The following TRIM24 variants were observed in gnomAD, a reference collection of about 807,000 sequenced individuals.
TRIM24 encodes the protein tripartite motif containing 24.
A neutral mutation model predicts 123.9 loss-of-function variants in TRIM24; 29 were observed. That is an observed-to-expected ratio of 0.23 (90% confidence interval 0.17 to 0.32). TRIM24 has a LOEUF of 0.32. Ranked by LOEUF, TRIM24 falls within the 10% of genes least tolerant of loss-of-function variation. The probability of loss-of-function intolerance (pLI) is 1.00; values close to 1 mark genes in which losing one functional copy is unlikely to be tolerated. For synonymous variants in TRIM24, 456 were observed against 461.1 expected (o/e 0.99, Z 0.14); for missense variants, 932 against 1,295.3 (o/e 0.72, Z 4.31).
At chr7:138,566,627 A>G (rs1021190799) in intron 9 of TRIM24, among the ~76,000 whole-genome samples, 5 of 152,172 alleles carry the variant, frequency 3.3e-5, no homozygotes, top group African/African-American at 1.2e-4. Context: ...GGCAGACTAG[A>G]TTTGGATTAA....
chr7:138,534,251 G>A (rs1796815553), intron 6 of TRIM24, among the ~76,000 whole-genome samples: 1 of 152,092 alleles, frequency 6.6e-6, no homozygotes, highest in African/African-American at 2.4e-5. Flanking sequence ...CTTGCCTTCT[G>A]CTAGCTTTTG....
intron 17 of TRIM24, 52 bp from the exon 18 acceptor site, chr7:138,583,798 G>A: frequency 8.0e-7 from 1 of 1,256,006 alleles, no homozygotes; most frequent in Non-Finnish European, 1.1e-6. Context: ...AATATATTTA[G>A]GACAAGGTGG....
intron 14 of TRIM24, 59 bp from the exon 15 acceptor site, chr7:138,579,145 T>C (rs1797838722): frequency 2.1e-6 from 3 of 1,409,880 alleles, no homozygotes; most frequent in South Asian, 2.8e-5. Flanking sequence ...CAGTTCAGAA[T>C]TGCATTAGTG....
At position 138,460,596 on chromosome 7, in the gene TRIM24, G is replaced by C; in HGVS notation, c.48G>C (p.Ser16=). ...EKAVAAAAAA[S]AAASGGPSAA... is the part of the protein sequence containing the mutation. Reference sequence around the variant, plus strand: ...CGGTGGCGGCGGCGGCAGCGGCCTCGGCTGCGGCCTCCGGGGGGCCCTCGG... The same window carrying C: ...CGGTGGCGGCGGCGGCAGCGGCCTCCGCTGCGGCCTCCGGGGGGCCCTCGG... The change falls in exon 1 of 19, where the codon TCG becomes TCC. Residue 16 remains serine, a synonymous_variant. Transcript: ENST00000343526. The C allele has an allele frequency of 7.5e-7, 1 of 1,336,760 alleles. No homozygotes were observed. The highest frequency in any genetic ancestry group is 9.5e-7 in the Non-Finnish European group (1 of 1,053,556). The allele number at this position is 1,336,760 out of a possible 1,614,324, so 82.8% of individuals were successfully genotyped here.
At chr7:138,521,014 A>G (rs1796494228) in intron 4 of TRIM24, among the ~76,000 whole-genome samples, 1 of 152,230 alleles carries the variant, frequency 6.6e-6, no homozygotes, top group African/African-American at 2.4e-5. Flanking sequence ...ACAAACCTCT[A>G]GCAGGATAAT....
intron 7 of TRIM24, among the ~76,000 whole-genome samples, chr7:138,547,835 G>A (rs938230132): frequency 9.2e-5 from 14 of 152,064 alleles, no homozygotes; most frequent in East Asian, 1.9e-4. Context: ...TAGTAGAGAC[G>A]GGGTTTCATG....
At chr7:138,497,850 C>T in intron 1 of TRIM24, among the ~76,000 whole-genome samples, 1 of 151,490 alleles carries the variant, frequency 6.6e-6, no homozygotes, top group Non-Finnish European at 1.5e-5. Context: ...GCCACCATAC[C>T]TGGCCAATTT....
chr7:138,529,396 A>G (rs1321654954), intron 6 of TRIM24, among the ~76,000 whole-genome samples, 166 bp downstream of exon 6: 1 of 152,044 alleles, frequency 6.6e-6, no homozygotes, highest in African/African-American at 2.4e-5. Context: ...GTAGCTGACA[A>G]TTTAAAGCTT....
At chr7:138,472,378 G>A (rs771523862) in intron 1 of TRIM24, among the ~76,000 whole-genome samples, 36 of 152,168 alleles carry the variant, frequency 2.4e-4, no homozygotes, top group African/African-American at 8.2e-4. Context: ...CTTTGGATAG[G>A]AGACACACTT....
At chr7:138,562,026 G>A (rs924160871) in intron 9 of TRIM24, among the ~76,000 whole-genome samples, 1 of 152,108 alleles carries the variant, frequency 6.6e-6, no homozygotes, top group Non-Finnish European at 1.5e-5. Flanking sequence ...TGTTCCCCTT[G>A]ACTTACTTCA....
chr7:138,481,733 C>T (rs1584690373), intron 1 of TRIM24, among the ~76,000 whole-genome samples: 1 of 151,992 alleles, frequency 6.6e-6, no homozygotes, highest in South Asian at 2.1e-4. Context: ...ATTGCTTGGA[C>T]CCAGGAGGAC....
chr7:138,570,619 A>C (rs1282368365), intron 10 of TRIM24, among the ~76,000 whole-genome samples: 5 of 151,628 alleles, frequency 3.3e-5, no homozygotes, highest in African/African-American at 1.2e-4. Context: ...TCTTCCAGTA[A>C]AAATCAGTGC....
intron 5 of TRIM24, 126 bp from the exon 6 acceptor site, chr7:138,528,990 G>A: frequency 2.2e-6 from 1 of 445,474 alleles, no homozygotes; most frequent in Non-Finnish European, 4.0e-6. Context: ...TCAATTTAAA[G>A]TGAAGGACTC....
intron 1 of TRIM24, among the ~76,000 whole-genome samples, chr7:138,479,822 A>G (rs943827575): frequency 6.4e-5 from 9 of 139,584 alleles, no homozygotes; most frequent in African/African-American, 2.4e-4. Flanking sequence ...TTATTTTTTA[A>G]TTTTATTTTT....
At chr7:138,562,169 A>G (rs1210167559) in intron 9 of TRIM24, among the ~76,000 whole-genome samples, 2 of 152,130 alleles carry the variant, frequency 1.3e-5, no homozygotes, top group Non-Finnish European at 2.9e-5. Flanking sequence ...AAGGTCATCT[A>G]TATATTGCAG....
intron 1 of TRIM24, among the ~76,000 whole-genome samples, chr7:138,474,674 A>C (rs1474439147): frequency 6.6e-6 from 1 of 152,104 alleles, no homozygotes; most frequent in East Asian, 1.9e-4. Flanking sequence ...TTATACATGG[A>C]TATGCAGTTT....
At chr7:138,581,389 A>G (rs1797892153) in intron 16 of TRIM24, among the ~76,000 whole-genome samples, 1 of 152,206 alleles carries the variant, frequency 6.6e-6, no homozygotes, top group African/African-American at 2.4e-5. Flanking sequence ...TTCTCCTAAG[A>G]GACGTACGTT....
chr7:138,499,080 CT>C (rs539329594), intron 1 of TRIM24, among the ~76,000 whole-genome samples: 9 of 150,758 alleles, frequency 6.0e-5, no homozygotes, highest in African/African-American at 9.7e-5. Context: ...GTGGATTTGT[CT>C]TTTTTTTTAA....
chr7:138,548,887 A>G (rs1291549541), intron 7 of TRIM24, among the ~76,000 whole-genome samples: 1 of 152,080 alleles, frequency 6.6e-6, no homozygotes, highest in African/African-American at 2.4e-5. Flanking sequence ...ACTGTCTTAC[A>G]CCTCCACATT....
Sources: allele counts gnomAD v4.1 joint callset (sites outside exome capture counted in the v4.1 genomes callset), GRCh38; gene constraint gnomAD v4.1.1; transcripts MANE v1.5; gene names NCBI Gene and HGNC (gene_info 2026-07-23, HGNC 2026-07-21).